FSHR: variants seen among roughly 807,000 people sequenced by gnomAD.
The protein encoded by FSHR is follicle-stimulating hormone receptor.
In FSHR, 46 loss-of-function variants were observed where a neutral mutation model predicts 52.1. The observed-to-expected ratio is 0.88, with a 90% confidence interval of 0.70 to 1.13. The LOEUF (loss-of-function observed/expected upper bound fraction) is 1.13, where lower values mean the gene tolerates loss of function less well. Among genes scored for constraint, FSHR ranks in the 50% most tolerant of loss-of-function variants. FSHR has a pLI of 0.00. For missense variants in FSHR, 964 were observed against 834.6 expected (o/e 1.16, Z -1.91); for synonymous variants, 399 against 309.6 (o/e 1.29, Z -3.03).
intron 1 of FSHR, 149 bp from the exon 2 acceptor site, chr2:49,068,439 C>G: frequency 2.8e-6 from 2 of 708,192 alleles, no homozygotes; most frequent in South Asian, 3.0e-5. Context: ...CTCTTTTCAT[C>G]CTGTCTACAA....
chr2:49,154,375 C>A lies in FSHR; in HGVS notation c.43G>T (p.Gly15Cys), dbSNP rs1185063342. Reference sequence around the variant, plus strand: ...CAGATCCGATGATGACATCCTGAGCCCAAGCTCAGGAATGCCAGCAAAGAG... The same window carrying A: ...CAGATCCGATGATGACATCCTGAGCACAAGCTCAGGAATGCCAGCAAAGAG... ...LVSLLAFLSLGSGCHHRICHC... is the reference protein window; with the variant it reads ...LVSLLAFLSLCSGCHHRICHC... The change falls in exon 1 of 10, where the codon GGC (glycine) becomes TGC (cysteine). Residue 15 changes from glycine to cysteine, a missense_variant. By Grantham distance (159) the Gly-to-Cys change is radical (BLOSUM62 -3). Coordinates refer to ENST00000406846, the MANE Select transcript of FSHR (RefSeq NM_000145.4). 2 of 1,613,086 alleles carry A rather than the reference C, an allele frequency of 1.2e-6. No individual in the cohort carries two copies. Among genetic ancestry groups the A allele is most frequent in the Non-Finnish European group, 1.7e-6 (2 of 1,179,842 alleles).
At chr2:48,980,976 T>C (rs1226560495) in intron 8 of FSHR, among the ~76,000 whole-genome samples, 1 of 152,188 alleles carries the variant, frequency 6.6e-6, no homozygotes, top group African/African-American at 2.4e-5. Flanking sequence ...CAGATAGAGA[T>C]GCCTTCTTAG....
In FSHR at chr2:49,091,027, A is replaced by C. The variant is rs1358341316; in HGVS notation, c.153-22737T>G. Among the ~76,000 whole-genome samples, 6 of 151,838 alleles carry C rather than the reference A, an allele frequency of 4.0e-5. No homozygotes were observed. The East Asian group carries it at 1.2e-3, about 29-fold the overall frequency. On this transcript the variant is annotated intron_variant, in intron 1 of 9. Coordinates refer to ENST00000406846, the MANE Select transcript of FSHR (RefSeq NM_000145.4). ...ACTAGATAGAAGTCCTTTTTTAGACATAGGGTTTACAAATATTATCTCCCT... is the reference window on the plus strand; with the variant it reads ...ACTAGATAGAAGTCCTTTTTTAGACCTAGGGTTTACAAATATTATCTCCCT...
chr2:48,979,827 G>A, intron 8 of FSHR, among the ~76,000 whole-genome samples: 1 of 152,160 alleles, frequency 6.6e-6, no homozygotes. Context: ...GTGTGTGTGT[G>A]TGTGGGAGCG....
At position 49,133,231 on chromosome 2, in the gene FSHR, C is replaced by G. The variant is rs181430168; in HGVS notation, c.152+21035G>C. ...CAACAGCATTTAACAGGTTGGGGTC[C>G]CCTTCTTCTGACCAAGCCACAGTTG... On this transcript the variant is annotated intron_variant, in intron 1 of 9. Coordinates refer to ENST00000406846, the MANE Select transcript of FSHR (RefSeq NM_000145.4). 7.2e-5 allele frequency among the ~76,000 whole-genome samples: 11 copies of G among 152,194 alleles called. No homozygotes were observed. The East Asian group carries it at 1.9e-3, about 27-fold the overall frequency.
chr2:49,101,118 T>C (rs775890600), intron 1 of FSHR, among the ~76,000 whole-genome samples: 3 of 152,116 alleles, frequency 2.0e-5, no homozygotes, highest in Non-Finnish European at 4.4e-5. Context: ...AGACATTTGA[T>C]TGCACTGTAT....
At position 48,963,741 on chromosome 2, in the gene FSHR, C is replaced by G; in HGVS notation, c.1080G>C (p.Met360Ile). ...TCAGGACTCTGAGGATGTTGTACCC[C>G]ATGATATCTTCACATGGGTTGAATG... ...PDAFNPCEDI[M>I]GYNILRVLIW... Residue 360 changes from methionine (M) to isoleucine (I), a missense_variant, in exon 10 of 10, where the codon ATG (methionine) becomes ATC (isoleucine). By Grantham distance (10) the Met-to-Ile change is conservative. Coordinates refer to ENST00000406846, the MANE Select transcript of FSHR (RefSeq NM_000145.4). 1 of 1,614,138 alleles carries G rather than the reference C, an allele frequency of 6.2e-7. No homozygotes were observed. Among genetic ancestry groups the G allele is most frequent in the Non-Finnish European group, 8.5e-7 (1 of 1,180,004 alleles).
intron 2 of FSHR, among the ~76,000 whole-genome samples, chr2:49,047,137 T>C (rs1381812049): frequency 5.9e-5 from 9 of 152,176 alleles, no homozygotes; most frequent in Non-Finnish European, 1.0e-4. Flanking sequence ...TTTTTTGTTG[T>C]TGTTTTGGGA....
In FSHR at chr2:49,081,656, C is replaced by A. The variant is rs75698869; in HGVS notation, c.153-13366G>T. Among the ~76,000 whole-genome samples, 385 of 152,222 alleles carry A rather than the reference C, an allele frequency of 2.5e-3. 1 individual carries two copies. Among genetic ancestry groups the A allele is most frequent in the African/African-American group, 8.4e-3 (347 of 41,544 alleles). ...GATTAAATAATTCACCACTATGACA[C>A]TAAAAAAAATTTTTTTGTCACTATA... On this transcript the variant is annotated intron_variant, in intron 1 of 9. Coordinates refer to ENST00000406846, the MANE Select transcript of FSHR (RefSeq NM_000145.4).
intron 4 of FSHR, among the ~76,000 whole-genome samples, chr2:49,004,432 G>A (rs537793333): frequency 6.6e-6 from 1 of 152,308 alleles, no homozygotes; most frequent in Non-Finnish European, 1.5e-5. Context: ...TTCTTATCTT[G>A]CAGAATCACT....
chr2:49,000,258 ACC>A (rs1415260811), intron 4 of FSHR, among the ~76,000 whole-genome samples: 1 of 152,142 alleles, frequency 6.6e-6, no homozygotes, highest in Non-Finnish European at 1.5e-5. Flanking sequence ...TCAGTTTCCT[ACC>A]CCTAGTCCGA....
chr2:49,046,005 A>T (rs558412611), intron 2 of FSHR, among the ~76,000 whole-genome samples: 1 of 152,250 alleles, frequency 6.6e-6, no homozygotes, highest in East Asian at 1.9e-4. Flanking sequence ...AGTGCACAGG[A>T]TGTGGTGTCA....
intron 2 of FSHR, among the ~76,000 whole-genome samples, chr2:49,065,375 G>T (rs1291602108): frequency 6.6e-6 from 1 of 152,044 alleles, no homozygotes; most frequent in Non-Finnish European, 1.5e-5. Flanking sequence ...AATAGTAACA[G>T]GAATGAGAAG....
intron 2 of FSHR, among the ~76,000 whole-genome samples, chr2:49,030,358 C>T (rs752419557): frequency 6.6e-6 from 1 of 150,982 alleles, no homozygotes; most frequent in Non-Finnish European, 1.5e-5. Context: ...ACAGAGCACC[C>T]CAAAACCTTC....
intron 2 of FSHR, among the ~76,000 whole-genome samples, chr2:49,043,015 A>G (rs1668531192): frequency 6.6e-6 from 1 of 152,198 alleles, no homozygotes; most frequent in Admixed American, 6.5e-5. Context: ...GGACCATCCA[A>G]GATATCTACA....
intron 1 of FSHR, among the ~76,000 whole-genome samples, chr2:49,074,423 G>T (rs556624702): frequency 6.6e-6 from 1 of 152,076 alleles, no homozygotes; most frequent in South Asian, 2.1e-4. Context: ...CATAAAACAG[G>T]TTCCCTGATC....
At chr2:49,001,035 A>G (rs1272874020) in intron 4 of FSHR, among the ~76,000 whole-genome samples, 16 of 152,172 alleles carry the variant, frequency 1.1e-4, no homozygotes, top group Non-Finnish European at 7.4e-5. Flanking sequence ...TGACTTTACA[A>G]TAGCCTTCTA....
At chr2:49,064,433 G>A (rs12995248) in intron 2 of FSHR, among the ~76,000 whole-genome samples, 52,626 of 151,840 alleles carry the variant, frequency 0.35, 9,734 homozygotes, top group East Asian at 0.49. Context: ...CTTCTGCCAC[G>A]TAGGGACATG....
At chr2:49,067,329 C>T (rs535611757) in intron 2 of FSHR, among the ~76,000 whole-genome samples, 2 of 152,184 alleles carry the variant, frequency 1.3e-5, no homozygotes, top group Admixed American at 6.6e-5. Context: ...CTTCAGACTT[C>T]AGGAAGTACT....
Sources: allele counts gnomAD v4.1 joint callset (sites outside exome capture counted in the v4.1 genomes callset), GRCh38; gene constraint gnomAD v4.1.1; transcripts MANE v1.5; gene names NCBI Gene and HGNC (gene_info 2026-07-23, HGNC 2026-07-21).